NPAS3: variants seen among roughly 807,000 people sequenced by gnomAD.
The protein encoded by NPAS3 is neuronal PAS domain protein 3, also known as neuronal PAS domain-containing protein 3.
Under a neutral mutation model 73.1 loss-of-function variants are expected in NPAS3, and 14 were observed. That is an observed-to-expected ratio of 0.19 (90% CI 0.13 to 0.30). The LOEUF (loss-of-function observed/expected upper bound fraction) is 0.30. Ranked by LOEUF, NPAS3 falls within the 10% of genes least tolerant of loss-of-function variation. The pLI is 1.00. For synonymous variants in NPAS3, 620 were observed against 541.5 expected, an observed-to-expected ratio of 1.14 and a Z score of -2.01; for missense variants, 1,096 against 1,250.0, an observed-to-expected ratio of 0.88 and a Z score of 1.86.
At chr14:33,297,772 C>T (rs2042361759) in intron 3 of NPAS3, among the ~76,000 whole-genome samples, 3 of 152,194 alleles carry the variant, frequency 2.0e-5, no homozygotes, top group Non-Finnish European at 4.4e-5. Context: ...GAGGACCTTT[C>T]TGAGCTCGCT....
chr14:33,105,244 GCT>G (rs1274362741), intron 2 of NPAS3, among the ~76,000 whole-genome samples: 1 of 152,092 alleles, frequency 6.6e-6, no homozygotes, highest in Admixed American at 6.6e-5. Flanking sequence ...GTGACGCTTT[GCT>G]CTGTCACTTA....
At chr14:33,669,553 C>CTGAT (rs1442372339) in intron 5 of NPAS3, among the ~76,000 whole-genome samples, 3 of 152,116 alleles carry the variant, frequency 2.0e-5, no homozygotes, top group Non-Finnish European at 4.4e-5. Context: ...GGAGGTATAC[C>CTGAT]TGATCTAAGA....
At chr14:33,091,874 A>G (rs960419980) in intron 2 of NPAS3, among the ~76,000 whole-genome samples, 1 of 152,234 alleles carries the variant, frequency 6.6e-6, no homozygotes, top group African/African-American at 2.4e-5. Flanking sequence ...CAAAAACCAC[A>G]TGATTATCTC....
chr14:32,946,151 T>A (rs1020244466), intron 1 of NPAS3, among the ~76,000 whole-genome samples: 2 of 152,344 alleles, frequency 1.3e-5, no homozygotes, highest in East Asian at 3.9e-4. Context: ...CAAGTTGGCC[T>A]CCTGCCAAAT....
At chr14:33,285,970 T>C (rs1254812024) in intron 3 of NPAS3, among the ~76,000 whole-genome samples, 2 of 152,184 alleles carry the variant, frequency 1.3e-5, no homozygotes, top group Non-Finnish European at 2.9e-5. Flanking sequence ...TATCCTACCC[T>C]TAACCTTGTC....
chr14:33,268,501 A>G (rs1279535692), intron 3 of NPAS3, among the ~76,000 whole-genome samples: 1 of 151,710 alleles, frequency 6.6e-6, no homozygotes, highest in East Asian at 1.9e-4. Flanking sequence ...TTTGATGTTT[A>G]TTTGCTATGG....
intron 6 of NPAS3, among the ~76,000 whole-genome samples, chr14:33,689,283 T>C (rs760063645): frequency 3.3e-5 from 5 of 152,246 alleles, no homozygotes; most frequent in Non-Finnish European, 7.3e-5. Flanking sequence ...TGGTTTTATC[T>C]TCAAATGAAT....
chr14:33,552,309 C>A (rs770904522), intron 4 of NPAS3, among the ~76,000 whole-genome samples: 1 of 152,170 alleles, frequency 6.6e-6, no homozygotes, highest in Non-Finnish European at 1.5e-5. Flanking sequence ...TCAAAGGATC[C>A]TTTGTTCTCA....
intron 3 of NPAS3, among the ~76,000 whole-genome samples, chr14:33,355,211 A>G (rs1199547262): frequency 6.6e-6 from 1 of 152,120 alleles, no homozygotes; most frequent in Non-Finnish European, 1.5e-5. Flanking sequence ...GAAAACTAAC[A>G]CTCATATCTA....
At chr14:33,777,815 C>G (rs1185141574) in intron 8 of NPAS3, among the ~76,000 whole-genome samples, 1 of 152,178 alleles carries the variant, frequency 6.6e-6, no homozygotes, top group African/African-American at 2.4e-5. Context: ...CGAGCACAAG[C>G]CTGGAAGAGC....
intron 2 of NPAS3, among the ~76,000 whole-genome samples, chr14:33,209,524 A>G (rs991776632): frequency 1.3e-5 from 2 of 152,198 alleles, no homozygotes; most frequent in Non-Finnish European, 2.9e-5. Flanking sequence ...AGATCTGACA[A>G]GTATGCAGGT....
intron 2 of NPAS3, among the ~76,000 whole-genome samples, chr14:33,098,772 C>T (rs2042496186): frequency 6.6e-6 from 1 of 152,168 alleles, no homozygotes; most frequent in African/African-American, 2.4e-5. Flanking sequence ...TCAAATGAGA[C>T]TAATTTAGAA....
At chr14:33,344,795 C>T (rs1594740678) in intron 3 of NPAS3, among the ~76,000 whole-genome samples, 1 of 152,180 alleles carries the variant, frequency 6.6e-6, no homozygotes, top group African/African-American at 2.4e-5. Flanking sequence ...GCAACTCCAT[C>T]CCACTCCCCT....
intron 1 of NPAS3, among the ~76,000 whole-genome samples, chr14:33,041,407 A>G (rs1417775973): frequency 1.3e-5 from 2 of 152,222 alleles, no homozygotes; most frequent in African/African-American, 4.8e-5. Context: ...TTTTGCGATG[A>G]TGACAATTTC....
At chr14:33,678,424 C>T (rs761709206) in intron 6 of NPAS3, among the ~76,000 whole-genome samples, 10 of 152,174 alleles carry the variant, frequency 6.6e-5, no homozygotes, top group Admixed American at 2.6e-4. Flanking sequence ...TCCTGTCATC[C>T]TTCTCCTTTC....
intron 6 of NPAS3, among the ~76,000 whole-genome samples, chr14:33,728,869 T>A (rs1056881763): frequency 6.6e-6 from 1 of 152,210 alleles, no homozygotes; most frequent in East Asian, 1.9e-4. Context: ...AGGAGAGGAT[T>A]TAATGATCCC....
rs534695784 is a variant in NPAS3 at position 33,322,627 on chromosome 14, T to A, written c.386-44559T>A. On this transcript the variant is annotated intron_variant, in intron 3 of 11. Coordinates refer to ENST00000356141, the Ensembl canonical transcript of NPAS3. Reference sequence around the variant, plus strand: ...CCGTTTTGCTAAATGTTTATTTTTTTAAATTTCTGTTTTTATAGTCCTGAG... The same window carrying A: ...CCGTTTTGCTAAATGTTTATTTTTTAAAATTTCTGTTTTTATAGTCCTGAG... 7.2e-5 allele frequency among the ~76,000 whole-genome samples: 11 copies of A among 152,290 alleles called. No individual in the cohort carries two copies. The East Asian group carries it at 1.9e-3, about 27-fold the overall frequency.
chr14:33,145,359 A>G (rs1450674589), intron 2 of NPAS3, among the ~76,000 whole-genome samples: 1 of 152,212 alleles, frequency 6.6e-6, no homozygotes, highest in Non-Finnish European at 1.5e-5. Flanking sequence ...AAAGTTAGAA[A>G]GTTACAAAAT....
At chr14:33,083,228 CTTTG>C (rs2041920361) in intron 2 of NPAS3, among the ~76,000 whole-genome samples, 2 of 3,792 alleles carry the variant, frequency 5.3e-4, no homozygotes, top group Admixed American at 3.7e-3. Context: ...GGGACTTTGC[CTTTG>C]CCTCCACTCC....
Sources: allele counts gnomAD v4.1 joint callset (sites outside exome capture counted in the v4.1 genomes callset), GRCh38; gene constraint gnomAD v4.1.1; transcripts MANE v1.5; gene names NCBI Gene and HGNC (gene_info 2026-07-23, HGNC 2026-07-21).